RGS7: variants seen among roughly 807,000 people sequenced by gnomAD.
RGS7 encodes regulator of G-protein signaling 7.
A neutral mutation model predicts 81.1 loss-of-function variants in RGS7; 27 were observed. The observed-to-expected ratio is 0.33, with a 90% confidence interval of 0.25 to 0.46. The LOEUF (loss-of-function observed/expected upper bound fraction) is 0.46, where lower values mean the gene tolerates loss of function less well. Ranked by LOEUF, RGS7 falls within the 20% of genes least tolerant of loss-of-function variation. The pLI is 1.00. For missense variants in RGS7, 396 were observed against 607.4 expected (o/e 0.65, Z 3.66); for synonymous variants, 208 against 207.7 (o/e 1.00, Z -0.01).
At chr1:241,047,821 C>T (rs961403323) in intron 3 of RGS7, among the ~76,000 whole-genome samples, 2 of 143,070 alleles carry the variant, frequency 1.4e-5, no homozygotes, top group African/African-American at 5.3e-5. Flanking sequence ...CTCACTGCAA[C>T]CTCCGCCTCC....
chr1:241,197,588 T>C (rs1311746054), intron 2 of RGS7, among the ~76,000 whole-genome samples: 2 of 151,886 alleles, frequency 1.3e-5, no homozygotes, highest in African/African-American at 4.8e-5. Flanking sequence ...GTAGATGGTA[T>C]AGCAAGAAGC....
chr1:241,316,163 A>G (rs1016206895), intron 2 of RGS7, among the ~76,000 whole-genome samples: 1 of 151,962 alleles, frequency 6.6e-6, no homozygotes, highest in African/African-American at 2.4e-5. Flanking sequence ...CAGTCCTGCC[A>G]CTATCTACCT....
intron 2 of RGS7, among the ~76,000 whole-genome samples, chr1:241,102,276 T>A (rs1039470204): frequency 6.6e-6 from 1 of 151,412 alleles, no homozygotes; most frequent in African/African-American, 2.4e-5. Context: ...TAAAATCAAT[T>A]AAAAAGAAAA....
At chr1:240,990,689 T>C (rs557449849) in intron 3 of RGS7, among the ~76,000 whole-genome samples, 73 of 152,332 alleles carry the variant, frequency 4.8e-4, no homozygotes, top group African/African-American at 1.7e-3. Flanking sequence ...TGCTCACAGT[T>C]TGAAACTGGA....
In RGS7 at chr1:241,067,881, C is replaced by T. The variant is rs572449484; in HGVS notation, c.175+30785G>A. On this transcript the variant is annotated intron_variant, in intron 3 of 18. Coordinates refer to ENST00000440928, the MANE Select transcript of RGS7 (RefSeq NM_001364886.1). ...TAATTATTATAGGCATAATTTTAAT[C>T]AGAACAATAAAAATTTATGTTTTCT... 4.9e-5 allele frequency among the ~76,000 whole-genome samples: 7 copies of T among 144,092 alleles called. No individual in the cohort carries two copies. The East Asian group carries it at 1.4e-3, about 28-fold the overall frequency. 94.5% of individuals were successfully genotyped at this position (144,092 alleles called of 152,430 possible).
intron 4 of RGS7, among the ~76,000 whole-genome samples, chr1:240,975,338 G>A (rs766153886): frequency 2.0e-5 from 3 of 152,076 alleles, no homozygotes; most frequent in Admixed American, 6.5e-5. Flanking sequence ...GGAGGCAGAG[G>A]TTGCAGCAAG....
At chr1:241,227,777 A>C (rs182900180) in intron 2 of RGS7, among the ~76,000 whole-genome samples, 1 of 152,226 alleles carries the variant, frequency 6.6e-6, no homozygotes, top group Non-Finnish European at 1.5e-5. Flanking sequence ...AAGCCTTAAC[A>C]AACAGAAGTG....
intron 3 of RGS7, among the ~76,000 whole-genome samples, chr1:241,016,839 A>G (rs1442596350): frequency 6.6e-6 from 1 of 152,140 alleles, no homozygotes; most frequent in Non-Finnish European, 1.5e-5. Context: ...GATTATTGCT[A>G]TATTCAGATA....
intron 12 of RGS7, 151 bp from the exon 13 acceptor site, chr1:240,813,879 C>T (rs1344234619): frequency 6.1e-6 from 4 of 659,652 alleles, no homozygotes; most frequent in African/African-American, 5.4e-5. Context: ...GCTTCAGTAA[C>T]TTTCATGCAA....
intron 2 of RGS7, among the ~76,000 whole-genome samples, chr1:241,319,712 T>C (rs528935819): frequency 9.2e-5 from 14 of 152,174 alleles, no homozygotes; most frequent in Non-Finnish European, 1.6e-4. Flanking sequence ...TTTAAAAACA[T>C]AAATTTTAAA....
intron 9 of RGS7, among the ~76,000 whole-genome samples, chr1:240,844,485 C>T (rs1245228818): frequency 3.3e-5 from 5 of 152,134 alleles, no homozygotes; most frequent in Middle Eastern, 3.2e-3. Context: ...TTTGAAAAGT[C>T]GCCAATCCAC....
intron 2 of RGS7, among the ~76,000 whole-genome samples, chr1:241,347,349 A>T (rs1241608223): frequency 6.6e-6 from 1 of 152,202 alleles, no homozygotes; most frequent in Non-Finnish European, 1.5e-5. Flanking sequence ...GTGAGAATTC[A>T]CATCCAGCTC....
chr1:241,073,462 A>T (rs148126985), intron 3 of RGS7, among the ~76,000 whole-genome samples: 125 of 152,366 alleles, frequency 8.2e-4, no homozygotes, highest in African/African-American at 2.7e-3. Flanking sequence ...ACAAATGTAC[A>T]CTTTGGCTAC....
intron 2 of RGS7, among the ~76,000 whole-genome samples, chr1:241,220,385 A>G (rs540226510): frequency 1.7e-4 from 26 of 152,282 alleles, no homozygotes; most frequent in African/African-American, 6.3e-4. Context: ...TTAAATCACA[A>G]TGTCTAGAGA....
intron 10 of RGS7, among the ~76,000 whole-genome samples, chr1:240,822,163 T>C (rs953690493): frequency 6.6e-6 from 1 of 152,188 alleles, no homozygotes; most frequent in African/African-American, 2.4e-5. Flanking sequence ...TTGAAGTCCT[T>C]AATAGAACAA....
intron 3 of RGS7, among the ~76,000 whole-genome samples, chr1:241,094,885 G>T (rs922621837): frequency 6.6e-6 from 1 of 152,162 alleles, no homozygotes; most frequent in Non-Finnish European, 1.5e-5. Flanking sequence ...CATGGGAGTT[G>T]TCTGGTGGAG....
intron 3 of RGS7, among the ~76,000 whole-genome samples, chr1:241,012,673 T>C (rs2059017594): frequency 6.6e-6 from 1 of 152,142 alleles, no homozygotes; most frequent in Non-Finnish European, 1.5e-5. Context: ...CAGACAGAAA[T>C]AGTCTTGCAA....
chr1:240,899,067 T>C (rs1245522361), intron 6 of RGS7, among the ~76,000 whole-genome samples: 1 of 152,226 alleles, frequency 6.6e-6, no homozygotes, highest in Non-Finnish European at 1.5e-5. Context: ...TGATCTTTGT[T>C]AGTTTAAAAT....
At chr1:241,058,124 A>C (rs2061565285) in intron 3 of RGS7, among the ~76,000 whole-genome samples, 1 of 152,216 alleles carries the variant, frequency 6.6e-6, no homozygotes, top group Admixed American at 6.5e-5. Flanking sequence ...GGTTATCATC[A>C]GTCTCCTGAT....
Sources: allele counts gnomAD v4.1 joint callset (sites outside exome capture counted in the v4.1 genomes callset), GRCh38; gene constraint gnomAD v4.1.1; transcripts MANE v1.5; gene names NCBI Gene and HGNC (gene_info 2026-07-23, HGNC 2026-07-21).